Variants in COL1A1 observed in about 807,000 individuals in gnomAD.
COL1A1 encodes the protein collagen type I alpha 1 chain.
In COL1A1, 21 loss-of-function variants were observed where a neutral mutation model predicts 195.7. The ratio of observed to expected loss-of-function variants is 0.11; its 90% CI spans 0.08 to 0.15. COL1A1 has a LOEUF of 0.15. Ranked by LOEUF, COL1A1 falls within the 10% of genes least tolerant of loss-of-function variation. The pLI, the probability that COL1A1 is intolerant of heterozygous loss-of-function variation, is 1.00. For missense variants in COL1A1, 1,365 were observed against 2,051.0 expected, an observed-to-expected ratio of 0.67 and a Z score of 6.46; for synonymous variants, 749 against 747.3, an observed-to-expected ratio of 1.00 and a Z score of -0.04.
rs147936946 is a variant in COL1A1 at position 50,186,008 on chromosome 17, C to T, written c.4018G>A (p.Gly1340Ser). The T allele has an allele frequency of 7.7e-4, 1,244 of 1,613,176 alleles. No homozygotes were observed. The highest frequency in any genetic ancestry group is 8.2e-4 in the Non-Finnish European group (968 of 1,179,980). ...ACATCGGCAGGGTCGGAGCCCTGGC[C>T]GCCATACTCGAACTGCAGGGGAGGG... is the stretch of plus-strand genomic sequence containing the variant. The part of the protein sequence containing the change: ...MTDGFQFEYG[G>S]QGSDPADVAI... Residue 1340 changes from glycine (G) to serine (S), a missense_variant, in exon 50 of 51, where the codon GGC becomes AGC. Coordinates refer to ENST00000225964, the MANE Select transcript of COL1A1 (RefSeq NM_000088.4). The surrounding 1 kb of genome is among the most constrained non-coding windows in gnomAD (Gnocchi z 5.3).
At chr17:50,193,181 C>CCAGCAAGAAGCA in intron 25 of COL1A1, 134 bp from the exon 26 acceptor site, 1 of 870,630 alleles carries the variant, frequency 1.1e-6, no homozygotes, top group Non-Finnish European at 1.8e-6. Context: ...CGGGGAATGC[C>CCAGCAAGAAGCA]CCTGCAGGTG....
In COL1A1 at chr17:50,186,277, C is replaced by A; in HGVS notation, c.4005+40G>T. On this transcript the variant is annotated intron_variant, in intron 49 of 50. Coordinates refer to ENST00000225964, the MANE Select transcript of COL1A1 (RefSeq NM_000088.4). The surrounding 1 kb of genome is among the most constrained non-coding windows in gnomAD (Gnocchi z 5.3). ...ATGTCCCTTCTGAGCACTGGGCTAG[C>A]CCATCTCCTAACACTGGCTCTGAGG... 1 of 1,612,248 alleles carries A rather than the reference C, an allele frequency of 6.2e-7. No individual in the cohort carries two copies. Among genetic ancestry groups the A allele is most frequent in the Non-Finnish European group, 8.5e-7 (1 of 1,179,328 alleles).
At chr17:50,198,595 C>CA in intron 5 of COL1A1, 91 bp from the exon 6 acceptor site, 1 of 993,456 alleles carries the variant, frequency 1.0e-6, no homozygotes, top group Non-Finnish European at 1.6e-6. Context: ...TCATGCACTT[C>CA]CTGGTGTGAT....
At chr17:50,200,219 A>G (rs1365671842) in intron 1 of COL1A1, 1 of 450,818 alleles carries the variant, frequency 2.2e-6, no homozygotes, top group Non-Finnish European at 4.1e-6. Flanking sequence ...ACCTCAGCCC[A>G]TTGGCGCTGA....
chr17:50,201,448 G>A lies in COL1A1; in HGVS notation c.66C>T (p.Gly22=). 1.2e-6 allele frequency: 2 copies of A among 1,613,644 alleles called. No individual in the cohort carries two copies. The highest frequency in any genetic ancestry group is 1.7e-6 in the Non-Finnish European group (2 of 1,180,020). ...LLAATALLTH[G]QEEGQVEGQD... ...GGCCCTCGACTTGGCCTTCCTCTTG[G>A]CCGTGCGTCAGGAGGGCGGTGGCCG... Residue 22 remains glycine, a synonymous_variant, in exon 1 of 51, where the codon GGC becomes GGT. Transcript: ENST00000225964.
chr17:50,186,199 C>G lies in COL1A1; in HGVS notation c.4005+118G>C. 6.5e-7 allele frequency: 1 copy of G among 1,533,234 alleles called. No individual in the cohort carries two copies. Among genetic ancestry groups the G allele is most frequent in the Non-Finnish European group, 8.9e-7 (1 of 1,120,530 alleles). 95.0% of individuals were successfully genotyped at this position (1,533,234 alleles called of 1,614,324 possible). A position where few individuals can be genotyped will look rare whatever the true frequency, so the allele number is the denominator to read the frequency against. ...ACTATCAGGGACCTGAGACCCCTGC[C>G]TCCCAGCCCAGCTCTGTCCATCACC... On this transcript the variant is annotated intron_variant, in intron 49 of 50. Coordinates refer to ENST00000225964, the MANE Select transcript of COL1A1 (RefSeq NM_000088.4). The surrounding 1 kb of genome is among the most constrained non-coding windows in gnomAD (Gnocchi z 5.3).
At position 50,188,675 on chromosome 17, in the gene COL1A1, G is replaced by A; in HGVS notation, c.3100-38C>T. On this transcript the variant is annotated intron_variant, in intron 42 of 50. Transcript: ENST00000225964. The surrounding 1 kb of genome is among the most constrained non-coding windows in gnomAD (Gnocchi z 5.6). ...GCAGGGGAATATGGGTCAGCCCCGG[G>A]TGAAGGGCCAGGATGGGGCAGGGAA... 1.9e-6 allele frequency: 3 copies of A among 1,613,234 alleles called. No individual in the cohort carries two copies. The highest frequency in any genetic ancestry group is 2.5e-6 in the Non-Finnish European group (3 of 1,179,254).
chr17:50,198,811 A>C lies in COL1A1; in HGVS notation c.472-307T>G, dbSNP rs1598300815. The C allele has an allele frequency of 8.8e-6, 4 of 454,740 alleles. No homozygotes were observed. In the East Asian group the frequency reaches 1.8e-4, roughly 20 times the overall value. 28.2% of individuals were successfully genotyped at this position (454,740 alleles called of 1,614,324 possible). A position where few individuals can be genotyped will look rare whatever the true frequency, so the allele number is the denominator to read the frequency against. On this transcript the variant is annotated intron_variant, in intron 5 of 50. Coordinates refer to ENST00000225964, the MANE Select transcript of COL1A1 (RefSeq NM_000088.4). ...GACATGATGATTAAACGCAATACATAATCCTGGACTGGATCCCAGATTGGG... is the reference window on the plus strand; with the variant it reads ...GACATGATGATTAAACGCAATACATCATCCTGGACTGGATCCCAGATTGGG...
chr17:50,193,846 G>T, intron 25 of COL1A1, 97 bp downstream of exon 25: 1 of 1,083,836 alleles, frequency 9.2e-7, no homozygotes. Context: ...TGGCCACACG[G>T]CAGGTCAGCG....
rs1278312326 is a variant in COL1A1 at position 50,199,528 on chromosome 17, G to A, written c.333+28C>T. 1.5e-5 allele frequency: 24 copies of A among 1,614,094 alleles called. No homozygotes were observed. In the East Asian group the frequency reaches 1.6e-4, roughly 10 times the overall value. On this transcript the variant is annotated intron_variant, in intron 3 of 50. Transcript: ENST00000225964. ...ACTGTGAGGAGTCACGGGCCGCGCA[G>A]GGGCAAAATTCGAGGGCAGGAGATT... is the stretch of plus-strand genomic sequence containing the variant.
Position 50,194,831 on chromosome 17 carries a change from G to A in COL1A1, c.1354-3C>T. 1.3e-6 allele frequency: 2 copies of A among 1,568,818 alleles called. No individual in the cohort carries two copies. Among genetic ancestry groups the A allele is most frequent in the Non-Finnish European group, 1.7e-6 (2 of 1,156,310 alleles). ...GGTCCTTGAACACCAACAGGGCCCTGGAGAGGGCCGAGAGGAGGAGGCGGC... is the reference window on the plus strand; with the variant it reads ...GGTCCTTGAACACCAACAGGGCCCTAGAGAGGGCCGAGAGGAGGAGGCGGC... On this transcript the variant is annotated splice_polypyrimidine_tract_variant and splice_region_variant and intron_variant, in intron 20 of 50. Transcript: ENST00000225964. The surrounding 1 kb of genome is among the most constrained non-coding windows in gnomAD (Gnocchi z 6.8).
chr17:50,184,475 CAAA>C lies in COL1A1; in HGVS notation c.*1024_*1026del, dbSNP rs58879635. 7.7e-3 allele frequency: 924 copies of C among 120,632 alleles called. No individual in the cohort carries two copies. Among genetic ancestry groups the C allele is most frequent in the Middle Eastern group, 0.027 (11 of 410 alleles). 7.5% of individuals were successfully genotyped at this position (120,632 alleles called of 1,614,324 possible). ...AGAAAAATTCACAAGTCCCCATCCA[CAAA>C]AAAAAAAAAAAAAAAAGAAAAATAT... On this transcript the variant is annotated 3_prime_UTR_variant, in exon 51 of 51. Transcript: ENST00000225964.
Position 50,190,991 on chromosome 17 carries a change from G to T in COL1A1, c.2236-67C>A. The T allele has an allele frequency of 6.8e-7, 1 of 1,480,408 alleles. No individual in the cohort carries two copies. The highest frequency in any genetic ancestry group is 9.4e-7 in the Non-Finnish European group (1 of 1,065,690). The allele number at this position is 1,480,408 out of a possible 1,614,324, so 91.7% of individuals were successfully genotyped here. A position where few individuals can be genotyped will look rare whatever the true frequency, so the allele number is the denominator to read the frequency against. Reference sequence around the variant, plus strand: ...GGAGGTGACCTATAGTGTTCTGCTTGTGTCTGGGTTTCCTGAGAGGCCCTC... The same window carrying T: ...GGAGGTGACCTATAGTGTTCTGCTTTTGTCTGGGTTTCCTGAGAGGCCCTC... On this transcript the variant is annotated intron_variant, in intron 32 of 50. Coordinates refer to ENST00000225964, the MANE Select transcript of COL1A1 (RefSeq NM_000088.4). The surrounding 1 kb of genome is among the most constrained non-coding windows in gnomAD (Gnocchi z 4.7).
In COL1A1 at chr17:50,197,168, C is replaced by T. The variant is rs79480112; in HGVS notation, c.750+12G>A. ...CAGTGAAGCCCAGGTTCAGCCACAG[C>T]CCCCTGCTCACCTGAGGCCCAGGAG... is the stretch of plus-strand genomic sequence containing the variant. On this transcript the variant is annotated intron_variant, in intron 10 of 50. Transcript: ENST00000225964. 2.5e-6 allele frequency: 4 copies of T among 1,613,882 alleles called. No homozygotes were observed. The highest frequency in any genetic ancestry group is 1.7e-4 in the Middle Eastern group (1 of 5,894).
In COL1A1 at chr17:50,184,665, C is replaced by T. The variant is rs564977858; in HGVS notation, c.*837G>A. 7 of 232,284 alleles carry T rather than the reference C, an allele frequency of 3.0e-5. No individual in the cohort carries two copies. The highest frequency in any genetic ancestry group is 1.8e-4 in the South Asian group (1 of 5,510). 14.4% of individuals were successfully genotyped at this position (232,284 alleles called of 1,614,324 possible). ...GCCGCTTCCACCCTGCCCCCATCCC[C>T]GCCCCCAGGCAGTTGCCCCGGTGAC... On this transcript the variant is annotated 3_prime_UTR_variant, in exon 51 of 51. Coordinates refer to ENST00000225964, the MANE Select transcript of COL1A1 (RefSeq NM_000088.4).
intron 3 of COL1A1, 36 bp downstream of exon 3, chr17:50,199,520 G>A (rs558457530): frequency 2.5e-6 from 4 of 1,614,214 alleles, no homozygotes; most frequent in African/African-American, 2.7e-5. Context: ...GGAGTCACGG[G>A]CCGCGCAGGG....
intron 32 of COL1A1, 24 bp downstream of exon 32, chr17:50,191,359 G>T: frequency 6.3e-7 from 1 of 1,598,490 alleles, no homozygotes; most frequent in South Asian, 1.1e-5. Context: ...GTAGGGCTCA[G>T]GGGAGGGGGA....
rs746059561 is a variant in COL1A1 at position 50,188,932 on chromosome 17, C to A, written c.3016G>T (p.Ala1006Ser). The A allele has an allele frequency of 1.9e-6, 3 of 1,612,708 alleles. No homozygotes were observed. Among genetic ancestry groups the A allele is most frequent in the Non-Finnish European group, 2.5e-6 (3 of 1,178,966 alleles). Residue 1006 changes from alanine to serine, a missense_variant, in exon 41 of 51, where the codon GCT becomes TCT. By Grantham distance (99) the Ala-to-Ser change is moderately conservative. Coordinates refer to ENST00000225964, the MANE Select transcript of COL1A1 (RefSeq NM_000088.4). This position sits in a 1 kb window ranked among gnomAD's most constrained non-coding sequence, Gnocchi z 5.6. ...CGTCCAGATTCACCAGGGGGTCCAG[C>A]CAATCCAGGGGGGCCCATGGGACCA... ...PPGPMGPPGLAGPPGESGREG... is the reference protein window; with the variant it reads ...PPGPMGPPGLSGPPGESGREG...
Position 50,198,454 on chromosome 17 carries a change from T to A in COL1A1, c.522A>T (p.Gly174=). 6.2e-7 allele frequency: 1 copy of A among 1,613,400 alleles called. No individual in the cohort carries two copies. Among genetic ancestry groups the A allele is most frequent in the Non-Finnish European group, 8.5e-7 (1 of 1,179,778 alleles). ...TCACCATGGGGCCAGGCACGGAAAT[T>A]CCTCCGGTTGATTTCTCATCATAGC... The part of the protein sequence containing the change: ...SYGYDEKSTG[G]ISVPGPMGPS... The change falls in exon 6 of 51, where the codon GGA becomes GGT. Residue 174 remains glycine, a synonymous_variant. Transcript: ENST00000225964.
Sources: gnomAD v4.1 joint callset for allele counts on GRCh38, gnomAD v4.1.1 for gene constraint, Gnocchi (gnomAD v3.1) non-coding constraint, MANE v1.5 for transcripts, NCBI Gene and HGNC (gene_info 2026-07-23, HGNC 2026-07-21) for gene names.